The following CSMD1 variants were observed in gnomAD, a reference collection of about 807,000 sequenced individuals.
CSMD1 encodes CUB and Sushi multiple domains 1.
In CSMD1, 213 loss-of-function variants were observed where a neutral mutation model predicts 417.5. That is an observed-to-expected ratio of 0.51 (90% CI 0.46 to 0.57). The LOEUF (loss-of-function observed/expected upper bound fraction) is 0.57, where lower values mean the gene tolerates loss of function less well. Among genes scored for constraint, CSMD1 ranks in the 20% least tolerant of loss-of-function variants. CSMD1 has a pLI of 0.00. For synonymous variants in CSMD1, 2,862 were observed against 1,736.8 expected (o/e 1.65, Z -16.11); for missense variants, 6,923 against 4,529.7 (o/e 1.53, Z -15.17).
At chr8:2,974,323 T>C (rs1585077470) in intron 56 of CSMD1, 128 bp downstream of exon 56, 2 of 871,976 alleles carry the variant, frequency 2.3e-6, no homozygotes, top group Non-Finnish European at 1.7e-6. Flanking sequence ...AGAAATGCAA[T>C]ACTAATTTCA....
intron 11 of CSMD1, among the ~76,000 whole-genome samples, chr8:3,471,766 A>C (rs1224805919): frequency 6.6e-6 from 1 of 152,004 alleles, no homozygotes; most frequent in Non-Finnish European, 1.5e-5. Context: ...TATATAAAAG[A>C]AAAATATGTA....
chr8:4,185,292 A>G (rs962298810), intron 3 of CSMD1, among the ~76,000 whole-genome samples: 2 of 152,090 alleles, frequency 1.3e-5, no homozygotes, highest in African/African-American at 4.8e-5. Flanking sequence ...AAATTGTTTA[A>G]TCTTTTTGTT....
intron 3 of CSMD1, among the ~76,000 whole-genome samples, chr8:4,065,429 T>C (rs1215050144): frequency 5.3e-5 from 8 of 152,216 alleles, no homozygotes; most frequent in African/African-American, 9.6e-5. Flanking sequence ...TAGAGAATAA[T>C]TGAATCAATA....
chr8:4,847,021 C>T (rs986095356), intron 1 of CSMD1, among the ~76,000 whole-genome samples: 1 of 152,098 alleles, frequency 6.6e-6, no homozygotes. Context: ...GAAGAAACAA[C>T]TTGTGTTTTT....
intron 54 of CSMD1, among the ~76,000 whole-genome samples, chr8:2,980,456 C>A (rs1238922909): frequency 6.6e-6 from 1 of 151,920 alleles, no homozygotes; most frequent in Non-Finnish European, 1.5e-5. Flanking sequence ...TTCTTCCATC[C>A]CTCTCTTCCT....
At chr8:4,070,495 C>T (rs1462260733) in intron 3 of CSMD1, among the ~76,000 whole-genome samples, 1 of 152,060 alleles carries the variant, frequency 6.6e-6, no homozygotes, top group African/African-American at 2.4e-5. Context: ...GTAGCTGGGA[C>T]TACAGGCGCC....
At chr8:3,511,721 C>T (rs560885955) in intron 10 of CSMD1, among the ~76,000 whole-genome samples, 1 of 147,790 alleles carries the variant, frequency 6.8e-6, no homozygotes, top group Non-Finnish European at 1.5e-5. Flanking sequence ...TCACTATTGC[C>T]CTCCAGCAGG....
chr8:3,373,875 C>A lies in CSMD1; in HGVS notation c.2783-4505G>T, dbSNP rs146608105. 1.1e-4 allele frequency: 17 copies of A among 151,938 alleles called. No homozygotes were observed. The East Asian group carries it at 3.3e-3, about 29-fold the overall frequency. 9.4% of individuals were successfully genotyped at this position (151,938 alleles called of 1,614,324 possible). Reference sequence around the variant, plus strand: ...CTTTTGGATGGAGGACTAAGATATGCAGAAATCATTGAAGAACAAAAGAGG... The same window carrying A: ...CTTTTGGATGGAGGACTAAGATATGAAGAAATCATTGAAGAACAAAAGAGG... On this transcript the variant is annotated intron_variant, in intron 18 of 69. Coordinates refer to ENST00000635120, the MANE Select transcript of CSMD1 (RefSeq NM_033225.6).
At chr8:2,984,664 G>C (rs1034683106) in intron 54 of CSMD1, among the ~76,000 whole-genome samples, 2 of 152,184 alleles carry the variant, frequency 1.3e-5, no homozygotes, top group Non-Finnish European at 2.9e-5. Context: ...TTTACTTCAT[G>C]AGTGCTGGAT....
At chr8:3,641,599 C>A (rs1239897994) in intron 7 of CSMD1, among the ~76,000 whole-genome samples, 2 of 152,152 alleles carry the variant, frequency 1.3e-5, no homozygotes, top group African/African-American at 4.8e-5. Flanking sequence ...CTTCTTATGT[C>A]TCAAGAGGTT....
At chr8:4,829,504 G>C (rs2117433725) in intron 1 of CSMD1, among the ~76,000 whole-genome samples, 1 of 152,058 alleles carries the variant, frequency 6.6e-6, no homozygotes, top group East Asian at 1.9e-4. Context: ...CACTTTACCA[G>C]GCTGAGGCAG....
At chr8:4,338,539 A>C (rs140872510) in intron 3 of CSMD1, among the ~76,000 whole-genome samples, 3,739 of 151,918 alleles carry the variant, frequency 0.025, 63 homozygotes, top group Non-Finnish European at 0.036. Flanking sequence ...TTTCTAGTTT[A>C]CTCTATTTTC....
chr8:4,607,732 A>G (rs1800953986), intron 2 of CSMD1, among the ~76,000 whole-genome samples: 1 of 152,178 alleles, frequency 6.6e-6, no homozygotes, highest in African/African-American at 2.4e-5. Context: ...AGAAAACAGT[A>G]AACGTAGCAG....
chr8:3,358,418 T>A (rs1161560776), intron 21 of CSMD1, among the ~76,000 whole-genome samples: 1 of 152,234 alleles, frequency 6.6e-6, no homozygotes, highest in Non-Finnish European at 1.5e-5. Flanking sequence ...GAGCTCTGGC[T>A]GTGTGGACAA....
intron 3 of CSMD1, among the ~76,000 whole-genome samples, chr8:4,184,929 G>A (rs1029973461): frequency 6.6e-6 from 1 of 150,412 alleles, no homozygotes; most frequent in South Asian, 2.1e-4. Flanking sequence ...CCTGAGGTCA[G>A]GAGTTCAAGA....
rs1007501807 is a variant in CSMD1 at position 4,750,236 on chromosome 8, C to T, written c.86-112678G>A. ...GTTAGCCACGATGGTCTCGATCTCC[C>T]GACATTGTGATCCGCCCGCCTCGGC... On this transcript the variant is annotated intron_variant, in intron 1 of 69. Coordinates refer to ENST00000635120, the MANE Select transcript of CSMD1 (RefSeq NM_033225.6). Among the ~76,000 whole-genome samples, 406 of 149,744 alleles carry T rather than the reference C, an allele frequency of 2.7e-3. 2 individuals carry two copies. Among genetic ancestry groups the T allele is most frequent in the African/African-American group, 9.8e-3 (387 of 39,298 alleles).
rs116240078 is a variant in CSMD1, at chr8:3,803,649, G to C, written c.819-49607C>G. On this transcript the variant is annotated intron_variant, in intron 5 of 69. Transcript: ENST00000635120. The stretch of plus-strand genomic sequence containing the variant: ...CATTTGAGCCTGGAAGGAGAGGAGG[G>C]TTCATAGAGGCCAGAGTGGCACCAC... Among the ~76,000 whole-genome samples the C allele has an allele frequency of 6.7e-3, 1,011 of 152,026 alleles. 10 individuals carry two copies. Among genetic ancestry groups the C allele is most frequent in the South Asian group, 0.036 (172 of 4,810 alleles).
chr8:4,405,418 A>C (rs919884408), intron 3 of CSMD1, among the ~76,000 whole-genome samples: 1 of 152,134 alleles, frequency 6.6e-6, no homozygotes, highest in Admixed American at 6.6e-5. Context: ...GAGTTTCTTA[A>C]CCTCAGTTGT....
intron 3 of CSMD1, among the ~76,000 whole-genome samples, chr8:4,184,718 G>C (rs999665786): frequency 3.9e-5 from 6 of 152,056 alleles, no homozygotes; most frequent in Non-Finnish European, 7.4e-5. Context: ...AGGAGGGAGG[G>C]GACCGTGAAA....
Sources: gnomAD v4.1 joint callset for allele counts (sites outside exome capture counted in the v4.1 genomes callset) on GRCh38, gnomAD v4.1.1 for gene constraint, MANE v1.5 for transcripts, NCBI Gene and HGNC (gene_info 2026-07-23, HGNC 2026-07-21) for gene names.